The following TRRAP variants were observed in gnomAD, a reference collection of about 807,000 sequenced individuals.
TRRAP encodes transformation/transcription domain associated protein, also known as transformation/transcription domain-associated protein.
TRRAP carries 41 observed loss-of-function variants against 438.8 expected under a neutral mutation model. The ratio of observed to expected loss-of-function variants is 0.09; its 90% confidence interval spans 0.07 to 0.12. TRRAP has a LOEUF of 0.12. Ranked by LOEUF, TRRAP falls within the 10% of genes least tolerant of loss-of-function variation. The probability of loss-of-function intolerance (pLI) is 1.00; values close to 1 mark genes in which losing one functional copy is unlikely to be tolerated. For synonymous variants in TRRAP, 1,994 were observed against 1,962.9 expected (o/e 1.02, Z -0.42); for missense variants, 3,122 against 5,055.1 (o/e 0.62, Z 11.60).
Position 98,908,013 on chromosome 7 carries a change from A to G in TRRAP, c.1116-715A>G, listed in dbSNP as rs1584295305. 6.6e-6 allele frequency among the ~76,000 whole-genome samples: 1 copy of G among 152,100 alleles called. No individual in the cohort carries two copies. The highest frequency in any genetic ancestry group is 2.1e-4 in the South Asian group (1 of 4,822). On this transcript the variant is annotated intron_variant, in intron 13 of 72. Transcript: ENST00000456197. This position sits in a 1 kb window ranked among gnomAD's most constrained non-coding sequence, Gnocchi z 4.1. ...GGCCTTTATCTTTCCTGTTTCTTCC[A>G]TCTGGAAATTTCCCTGGATTTTTGC... is the stretch of plus-strand genomic sequence containing the variant.
chr7:98,903,850 G>A (rs181210926), intron 12 of TRRAP, among the ~76,000 whole-genome samples: 173 of 152,242 alleles, frequency 1.1e-3, no homozygotes, highest in African/African-American at 3.7e-3. Context: ...ATGGTGGCCC[G>A]CAAAGAGAGA....
At chr7:98,926,323 A>G (rs782782717) in intron 22 of TRRAP, among the ~76,000 whole-genome samples, 1 of 152,236 alleles carries the variant, frequency 6.6e-6, no homozygotes, top group Non-Finnish European at 1.5e-5. Flanking sequence ...AGAAATCCAC[A>G]GAGACAAACT....
At chr7:98,958,230 G>C in intron 44 of TRRAP, 139 bp downstream of exon 44, 1 of 664,718 alleles carries the variant, frequency 1.5e-6, no homozygotes, top group Non-Finnish European at 2.5e-6. Context: ...TGTCATTTTC[G>C]TATCAACTGC....
intron 41 of TRRAP, 67 bp downstream of exon 41, chr7:98,955,371 G>T (rs1046545053): frequency 1.4e-6 from 2 of 1,467,460 alleles, no homozygotes; most frequent in Non-Finnish European, 1.8e-6. Context: ...CCTTTACCTT[G>T]TCTTGTTCTG....
chr7:98,970,213 C>A lies in TRRAP; in HGVS notation c.7614C>A (p.His2538Gln). The change falls in exon 52 of 73, where the codon CAC (histidine) becomes CAA (glutamine). Residue 2538 changes from histidine to glutamine, a missense_variant. Physicochemically the swap from His to Gln is conservative, Grantham distance 24. Around this residue, in one of 24 missense-constraint regions of TRRAP, gnomAD observed 992 missense variants for 1,281.2 expected, o/e 0.77. Coordinates refer to ENST00000456197, the MANE Select transcript of TRRAP (RefSeq NM_001375524.1). The part of the protein sequence containing the change: ...ITNVINLADS[H>Q]DRAAFAMVTH... ...ACGTCATCAACCTGGCCGATAGCCA[C>A]GACCGTGCCGCCTTCGCCATGGTCA... The A allele has an allele frequency of 1.9e-6, 3 of 1,613,796 alleles. No individual in the cohort carries two copies. Among genetic ancestry groups the A allele is most frequent in the Non-Finnish European group, 2.5e-6 (3 of 1,180,032 alleles).
At chr7:98,902,908 TAAAAA>T (rs34223624) in intron 11 of TRRAP, among the ~76,000 whole-genome samples, 2 of 132,172 alleles carry the variant, frequency 1.5e-5, no homozygotes, top group Non-Finnish European at 3.1e-5. Flanking sequence ...CCCCCATTTC[TAAAAA>T]AAAAAAAAAA....
chr7:98,949,692 C>A lies in TRRAP; in HGVS notation c.4986C>A (p.Ser1662=), dbSNP rs1554417738. The A allele has an allele frequency of 1.2e-6, 2 of 1,614,060 alleles. No individual in the cohort carries two copies. Among genetic ancestry groups the A allele is most frequent in the Admixed American group, 3.3e-5 (2 of 60,006 alleles). ...GCATTATAGTGAAAAACGATGACTC[C>A]TGGCTGGCCAGCCAGCACTCTCTGG... The part of the protein sequence containing the change: ...IISIIVKNDD[S]WLASQHSLVS... The change falls in exon 37 of 73, where the codon TCC becomes TCA. Residue 1662 remains serine, a synonymous_variant. Coordinates refer to ENST00000456197, the MANE Select transcript of TRRAP (RefSeq NM_001375524.1).
At position 98,962,406 on chromosome 7, in the gene TRRAP, G is replaced by T; in HGVS notation, c.6808G>T (p.Ala2270Ser). ...CACCAACTACGAGAAGGCCACCAAT[G>T]CCAATCCCTCCCAGCTCTTCGGTGA... ...GLTNYEKATN[A>S]NPSQLFGTLM... The change falls in exon 47 of 73, where the codon GCC (alanine) becomes TCC (serine). Residue 2270 changes from alanine to serine, a missense_variant. By Grantham distance (99) the Ala-to-Ser change is moderately conservative. Coordinates refer to ENST00000456197, the MANE Select transcript of TRRAP (RefSeq NM_001375524.1). 1 of 1,614,224 alleles carries T rather than the reference G, an allele frequency of 6.2e-7. No homozygotes were observed. The highest frequency in any genetic ancestry group is 8.5e-7 in the Non-Finnish European group (1 of 1,180,040).
At chr7:98,912,915 G>A (rs1789342433) in intron 18 of TRRAP, among the ~76,000 whole-genome samples, 1 of 152,152 alleles carries the variant, frequency 6.6e-6, no homozygotes, top group Admixed American at 6.5e-5. Flanking sequence ...GTCTTGTGGT[G>A]GGTTTTATAG....
chr7:98,890,801 TTTTTA>T (rs1795932597), intron 4 of TRRAP, among the ~76,000 whole-genome samples: 1 of 131,388 alleles, frequency 7.6e-6, no homozygotes, highest in African/African-American at 3.7e-5. Flanking sequence ...TTTTTTTTTT[TTTTTA>T]AAAGACAAGG....
intron 21 of TRRAP, among the ~76,000 whole-genome samples, chr7:98,923,077 C>G (rs968964327): frequency 6.6e-6 from 1 of 152,188 alleles, no homozygotes; most frequent in Non-Finnish European, 1.5e-5. Flanking sequence ...ACTGTTCCCT[C>G]TCCAGCCTCA....
intron 40 of TRRAP, 53 bp from the exon 41 acceptor site, chr7:98,955,045 A>G: frequency 6.4e-7 from 1 of 1,552,184 alleles, no homozygotes; most frequent in Non-Finnish European, 8.8e-7. Context: ...TTGTCTTCTT[A>G]TTTCTTAAAG....
At chr7:98,968,521 G>A (rs1792262624) in intron 51 of TRRAP, among the ~76,000 whole-genome samples, 1 of 152,240 alleles carries the variant, frequency 6.6e-6, no homozygotes, top group Non-Finnish European at 1.5e-5. Flanking sequence ...GTTTCCAGCA[G>A]GATTGTGGTA....
At chr7:98,988,739 C>T (rs373872316) in intron 62 of TRRAP, 26 bp from the exon 63 acceptor site, 16 of 1,609,266 alleles carry the variant, frequency 9.9e-6, no homozygotes, top group African/African-American at 4.0e-5. Context: ...AAACCATACA[C>T]GTTTTGGTTT....
In TRRAP at chr7:98,988,948, G is replaced by C; in HGVS notation, c.9573G>C (p.Ser3191=). ...GCCGGCATCAGAACGAGAGCAAATCGAGGAAATACTTAGCCAAGGTGAGAC... is the reference window on the plus strand; with the variant it reads ...GCCGGCATCAGAACGAGAGCAAATCCAGGAAATACTTAGCCAAGGTGAGAC... ...HACRHQNESK[S]RKYLAKVLWL... The change falls in exon 63 of 73, where the codon TCG becomes TCC. Residue 3191 remains serine (S), a synonymous_variant. Transcript: ENST00000456197. The C allele has an allele frequency of 1.9e-6, 3 of 1,613,718 alleles. No individual in the cohort carries two copies. Among genetic ancestry groups the C allele is most frequent in the Middle Eastern group, 1.7e-4 (1 of 6,060 alleles).
At chr7:98,942,318 T>C (rs1293349000) in intron 30 of TRRAP, among the ~76,000 whole-genome samples, 1 of 152,190 alleles carries the variant, frequency 6.6e-6, no homozygotes, top group Non-Finnish European at 1.5e-5. Flanking sequence ...AGGGTCCCCA[T>C]TGTGCCCACT....
Position 99,005,411 on chromosome 7 carries a change from A to C in TRRAP, c.10753+63A>C. ...AGCTTCACAGGTGGGGATGAGAGCC[A>C]CACCTCGTGGGGTGCACAGGCAGCT... On this transcript the variant is annotated intron_variant, in intron 69 of 72. Coordinates refer to ENST00000456197, the MANE Select transcript of TRRAP (RefSeq NM_001375524.1). This position sits in a 1 kb window ranked among gnomAD's most constrained non-coding sequence, Gnocchi z 5.1. 6 of 1,498,662 alleles carry C rather than the reference A, an allele frequency of 4.0e-6. No homozygotes were observed. The highest frequency in any genetic ancestry group is 5.6e-6 in the Non-Finnish European group (6 of 1,077,590). 92.8% of individuals were successfully genotyped at this position (1,498,662 alleles called of 1,614,324 possible).
rs149939988 is a variant in TRRAP, at chr7:98,961,442, C to T, written c.6671C>T (p.Ser2224Leu). 13 of 1,614,234 alleles carry T rather than the reference C, an allele frequency of 8.1e-6. No individual in the cohort carries two copies. In the East Asian group the frequency reaches 1.1e-4, roughly 14 times the overall value. Reference protein sequence around the residue: ...KVLRAVHSLLSRLMSIFPTEP... With the variant: ...KVLRAVHSLLLRLMSIFPTEP... Reference sequence around the variant, plus strand: ...TTGCGAGCCGTCCACAGCCTTCTCTCGCGCCTGATGAGCATTTTCCCAACA... The same window carrying T: ...TTGCGAGCCGTCCACAGCCTTCTCTTGCGCCTGATGAGCATTTTCCCAACA... The change falls in exon 46 of 73, where the codon TCG (serine) becomes TTG (leucine). Residue 2224 changes from serine (S) to leucine (L), a missense_variant. Ser to Leu is a moderately radical substitution (Grantham distance 145). Coordinates refer to ENST00000456197, the MANE Select transcript of TRRAP (RefSeq NM_001375524.1).
rs1358236434 is a variant in TRRAP, at chr7:98,956,093, A to G, written c.5938-53A>G. The G allele has an allele frequency of 1.3e-6, 2 of 1,553,602 alleles. No individual in the cohort carries two copies. The highest frequency in any genetic ancestry group is 1.7e-6 in the Non-Finnish European group (2 of 1,155,840). Reference sequence around the variant, plus strand: ...TGTGCACGTGCGCACACGTGCATGCACTGTGGGACCAAGCTCCCATGTTCC... The same window carrying G: ...TGTGCACGTGCGCACACGTGCATGCGCTGTGGGACCAAGCTCCCATGTTCC... On this transcript the variant is annotated intron_variant, in intron 41 of 72. Transcript: ENST00000456197. This position sits in a 1 kb window ranked among gnomAD's most constrained non-coding sequence, Gnocchi z 4.5.
Sources: gnomAD v4.1 joint callset for allele counts (sites outside exome capture counted in the v4.1 genomes callset) on GRCh38, gnomAD v4.1.1 for gene constraint, gnomAD v4.1.1 regional missense constraint, Gnocchi (gnomAD v3.1) non-coding constraint, MANE v1.5 for transcripts, NCBI Gene and HGNC (gene_info 2026-07-23, HGNC 2026-07-21) for gene names.